METTL22: variants seen among roughly 807,000 people sequenced by gnomAD.
METTL22 encodes the protein methyltransferase 22, Kin17 lysine.
METTL22 carries 51 observed loss-of-function variants against 48.4 expected under a neutral mutation model. The observed-to-expected ratio is 1.05, with a 90% CI of 0.84 to 1.33. METTL22 has a LOEUF of 1.33. Ranked by LOEUF, METTL22 falls within the 40% of genes most tolerant of loss-of-function variation. The probability of loss-of-function intolerance (pLI) is 0.00; values close to 1 mark genes in which losing one functional copy is unlikely to be tolerated. For synonymous variants in METTL22, 255 were observed against 214.1 expected (o/e 1.19, Z -1.67); for missense variants, 678 against 526.9 (o/e 1.29, Z -2.81).
In METTL22 at chr16:8,646,530, T is replaced by C. The variant is rs1337532608; in HGVS notation, c.*387T>C. 1 of 498,110 alleles carries C rather than the reference T, an allele frequency of 2.0e-6. No homozygotes were observed. The highest frequency in any genetic ancestry group is 3.9e-6 in the Non-Finnish European group (1 of 254,804). 30.9% of individuals were successfully genotyped at this position (498,110 alleles called of 1,614,324 possible). ...CCTCTGTCAGCTGTTTACAGATGGG[T>C]TGACTACCACTGCCAGTATTGCCAT... On this transcript the variant is annotated 3_prime_UTR_variant, in exon 11 of 11. Transcript: ENST00000381920.
At chr16:8,649,758 T>G (rs1367788946), downstream of METTL22, 1 of 152,008 alleles carries the variant, frequency 6.6e-6, no homozygotes, top group African/African-American at 2.4e-5. Context: ...GAGCCAAGAC[T>G]GCGCCATTGC....
intron 1 of METTL22, among the ~76,000 whole-genome samples, chr16:8,622,094 A>G (rs981642704): frequency 6.6e-6 from 1 of 152,162 alleles, no homozygotes; most frequent in Admixed American, 6.5e-5. Context: ...CGACAAGACA[A>G]AGAGAACGAG....
At chr16:8,651,462 A>G (rs949502884), downstream of METTL22, among the ~76,000 whole-genome samples, 2 of 150,400 alleles carry the variant, frequency 1.3e-5, no homozygotes, top group African/African-American at 4.9e-5. Flanking sequence ...TGAAGTTTTC[A>G]TTAAATTGCA....
At chr16:8,624,594 G>A (rs1281755660) in intron 1 of METTL22, among the ~76,000 whole-genome samples, 1 of 152,008 alleles carries the variant, frequency 6.6e-6, no homozygotes, top group African/African-American at 2.4e-5. Context: ...AGCCAGGCAT[G>A]ATGGCTCACG....
the METTL22 span, among the ~76,000 whole-genome samples, chr16:8,660,531 T>A: frequency 6.6e-6 from 1 of 152,078 alleles, no homozygotes; most frequent in African/African-American, 2.4e-5. Flanking sequence ...AGAATCCCTG[T>A]TTTTCGAATT....
chr16:8,630,310 G>A (rs113770059), intron 3 of METTL22, among the ~76,000 whole-genome samples: 1 of 152,194 alleles, frequency 6.6e-6, no homozygotes, highest in East Asian at 1.9e-4. Context: ...TGTATCCCAT[G>A]GGTGACCTCT....
chr16:8,656,959 A>T, the METTL22 span, among the ~76,000 whole-genome samples: 1 of 152,246 alleles, frequency 6.6e-6, no homozygotes, highest in African/African-American at 2.4e-5. Context: ...TTTTATAAGG[A>T]ACCCACTCCC....
intron 5 of METTL22, among the ~76,000 whole-genome samples, chr16:8,636,367 T>G (rs2056421539): frequency 6.6e-6 from 1 of 152,120 alleles, no homozygotes; most frequent in African/African-American, 2.4e-5. Flanking sequence ...AAACCCTGTC[T>G]GTACTAAAAA....
At position 8,641,905 on chromosome 16, in the gene METTL22, A is replaced by G. The variant is rs1214208167; in HGVS notation, c.827-222A>G. ...GAAATCCGCCCGCTGCTCACTGGCT[A>G]GAGCAGACACTCAGCAGAAAAGGCA... On this transcript the variant is annotated intron_variant, in intron 7 of 10. Transcript: ENST00000381920. The G allele has an allele frequency of 3.3e-5, 20 of 602,246 alleles. 1 individual carries two copies. The highest frequency in any genetic ancestry group is 2.5e-4 in the East Asian group (9 of 36,076). The allele number at this position is 602,246 out of a possible 1,614,324, so 37.3% of individuals were successfully genotyped here. A position where few individuals can be genotyped will look rare whatever the true frequency, so the allele number is the denominator to read the frequency against.
intron 10 of METTL22, 109 bp from the exon 11 acceptor site, chr16:8,645,999 G>T: frequency 5.9e-6 from 9 of 1,534,906 alleles, no homozygotes; most frequent in Non-Finnish European, 5.3e-6. Flanking sequence ...CTGCTCCGTG[G>T]CTGACGTGTT....
the METTL22 span, among the ~76,000 whole-genome samples, chr16:8,664,846 T>C: frequency 6.8e-6 from 1 of 147,982 alleles, no homozygotes; most frequent in Admixed American, 7.1e-5. Context: ...AAGATCCTTA[T>C]CCAGGGCCCT....
chr16:8,641,075 T>C, intron 6 of METTL22, 56 bp from the exon 7 acceptor site: 1 of 1,551,804 alleles, frequency 6.4e-7, no homozygotes, highest in Non-Finnish European at 8.9e-7. Context: ...AAGTTTATCT[T>C]TTTTTCCTGA....
chr16:8,628,689 C>T (rs2056146531), intron 2 of METTL22, 41 bp from the exon 3 acceptor site: 2 of 1,553,128 alleles, frequency 1.3e-6, no homozygotes, highest in Non-Finnish European at 8.7e-7. Context: ...AAAAAGAAAA[C>T]ATCTTGGAAT....
intron 7 of METTL22, chr16:8,641,589 C>G (rs1309671942): frequency 2.4e-5 from 11 of 451,428 alleles, no homozygotes; most frequent in Non-Finnish European, 4.8e-5. Flanking sequence ...TTCCATATTT[C>G]TTACACAGAC....
At chr16:8,631,907 A>C (rs1268965026) in intron 3 of METTL22, 2 of 152,162 alleles carry the variant, frequency 1.3e-5, no homozygotes, top group African/African-American at 4.8e-5. Flanking sequence ...CCACCCCTAG[A>C]CTGAATCCTT....
chr16:8,641,948 C>G (rs1486060117), intron 7 of METTL22, 179 bp from the exon 8 acceptor site: 2 of 632,562 alleles, frequency 3.2e-6, no homozygotes, highest in Non-Finnish European at 2.9e-6. Flanking sequence ...CACCATGACT[C>G]TGCACCCGGG....
chr16:8,626,324 A>C (rs144428161), intron 2 of METTL22, among the ~76,000 whole-genome samples: 1 of 151,858 alleles, frequency 6.6e-6, no homozygotes, highest in African/African-American at 2.4e-5. Context: ...CTGAGCACCT[A>C]TTGTGCGCCT....
At chr16:8,639,330 A>C in intron 6 of METTL22, 168 bp downstream of exon 6, 1 of 652,956 alleles carries the variant, frequency 1.5e-6, no homozygotes, top group Non-Finnish European at 2.7e-6. Flanking sequence ...CAGAGCATTG[A>C]GGACGCTCCT....
In METTL22 at chr16:8,644,671, G is replaced by A. The variant is rs2056729980; in HGVS notation, c.1125G>A (p.Glu375=). 1 of 1,605,622 alleles carries A rather than the reference G, an allele frequency of 6.2e-7. No homozygotes were observed. The highest frequency in any genetic ancestry group is 8.5e-7 in the Non-Finnish European group (1 of 1,176,198). Residue 375 remains glutamate (E), a synonymous_variant, in exon 10 of 11, where the codon GAG becomes GAA. Coordinates refer to ENST00000381920, the MANE Select transcript of METTL22 (RefSeq NM_024109.4). ...LADGKLRFVV[E]PVEASFPQLL... is the part of the protein sequence containing the mutation. ...ATGGCAAGCTGCGCTTCGTGGTGGAGCCCGTGGAGGCCTCCTTCCCACAGC... is the reference window on the plus strand; with the variant it reads ...ATGGCAAGCTGCGCTTCGTGGTGGAACCCGTGGAGGCCTCCTTCCCACAGC...
Sources: allele counts gnomAD v4.1 joint callset (sites outside exome capture counted in the v4.1 genomes callset), GRCh38; gene constraint gnomAD v4.1.1; transcripts MANE v1.5; gene names NCBI Gene and HGNC (gene_info 2026-07-23, HGNC 2026-07-21).